Variants in CKAP5 observed in about 807,000 individuals in gnomAD.
CKAP5 encodes the protein cytoskeleton-associated protein 5.
A neutral mutation model predicts 232.8 loss-of-function variants in CKAP5; 27 were observed. The ratio of observed to expected loss-of-function variants is 0.12; its 90% CI spans 0.09 to 0.16. The LOEUF (loss-of-function observed/expected upper bound fraction) is 0.16, where lower values mean the gene tolerates loss of function less well. Ranked by LOEUF, CKAP5 falls within the 10% of genes least tolerant of loss-of-function variation. CKAP5 has a pLI of 1.00. For missense variants in CKAP5, 1,838 were observed against 2,424.7 expected (o/e 0.76, Z 5.08); for synonymous variants, 785 against 841.1 (o/e 0.93, Z 1.16).
intron 28 of CKAP5, 35 bp from the exon 29 acceptor site, chr11:46,763,665 G>T: frequency 6.9e-7 from 1 of 1,446,384 alleles, no homozygotes; most frequent in South Asian, 1.6e-5. Context: ...GGGCTACAGG[G>T]TGTTCAACTG....
intron 28 of CKAP5, among the ~76,000 whole-genome samples, chr11:46,764,791 T>C (rs1158420023): frequency 1.3e-5 from 2 of 152,024 alleles, no homozygotes; most frequent in Non-Finnish European, 2.9e-5. Flanking sequence ...ATGACTGAAC[T>C]AGCCATTTAT....
At chr11:46,799,233 G>C (rs79625022) in intron 9 of CKAP5, among the ~76,000 whole-genome samples, 1 of 150,732 alleles carries the variant, frequency 6.6e-6, no homozygotes, top group East Asian at 1.9e-4. Flanking sequence ...ATTTTTTGTC[G>C]AGACGGGGGT....
intron 1 of CKAP5, among the ~76,000 whole-genome samples, chr11:46,839,552 A>G (rs899693961): frequency 6.6e-6 from 1 of 152,162 alleles, no homozygotes; most frequent in Non-Finnish European, 1.5e-5. Flanking sequence ...CATATGGTAA[A>G]TGCCATCTTT....
chr11:46,814,652 G>A (rs535087322), intron 4 of CKAP5, among the ~76,000 whole-genome samples: 2 of 152,278 alleles, frequency 1.3e-5, no homozygotes, highest in South Asian at 4.2e-4. Context: ...ACAAACTAGT[G>A]ATCTGTCTAA....
At chr11:46,765,366 T>C in intron 27 of CKAP5, 110 bp from the exon 28 acceptor site, 1 of 945,752 alleles carries the variant, frequency 1.1e-6, no homozygotes, top group Non-Finnish European at 1.5e-6. Flanking sequence ...TCTTTCTACG[T>C]GATATTTCAC....
At chr11:46,765,444 G>A (rs1282717116) in intron 27 of CKAP5, among the ~76,000 whole-genome samples, 188 bp from the exon 28 acceptor site, 1 of 152,156 alleles carries the variant, frequency 6.6e-6, no homozygotes, top group Non-Finnish European at 1.5e-5. Flanking sequence ...ATTTTTCTGA[G>A]AATATTCTTA....
intron 8 of CKAP5, 23 bp from the exon 9 acceptor site, chr11:46,801,327 A>G (rs1939026809): frequency 1.9e-6 from 3 of 1,548,058 alleles, no homozygotes; most frequent in African/African-American, 1.4e-5. Flanking sequence ...GTAAAAAGGA[A>G]AACAAAATAG....
At position 46,743,619 on chromosome 11, in the gene CKAP5, C is replaced by T. The variant is rs1475814576; in HGVS notation, c.*404G>A. 1 of 198,362 alleles carries T rather than the reference C, an allele frequency of 5.0e-6. No homozygotes were observed. 12.3% of individuals were successfully genotyped at this position (198,362 alleles called of 1,614,324 possible). ...CATGCATTCATACAGAATACAGTGA[C>T]CCTTCAGGGCGACAGAGAAGAGCTC... On this transcript the variant is annotated 3_prime_UTR_variant, in exon 44 of 44. Transcript: ENST00000529230.
At chr11:46,758,528 A>G (rs2065128180) in intron 35 of CKAP5, among the ~76,000 whole-genome samples, 2 of 152,082 alleles carry the variant, frequency 1.3e-5, no homozygotes, top group Admixed American at 1.3e-4. Context: ...AATCAATGCA[A>G]TTATAAAAAA....
intron 28 of CKAP5, among the ~76,000 whole-genome samples, chr11:46,763,995 C>T (rs1021674910): frequency 6.6e-6 from 1 of 151,912 alleles, no homozygotes; most frequent in African/African-American, 2.4e-5. Context: ...ACCACTATGC[C>T]CAGCTAATTA....
chr11:46,801,119 TGTTTTAAA>T, intron 9 of CKAP5, 73 bp downstream of exon 9: 1 of 917,434 alleles, frequency 1.1e-6, no homozygotes, highest in African/African-American at 1.6e-5. Flanking sequence ...GCCAAGGAGT[TGTTTTAAA>T]GCAAACAGCA....
chr11:46,775,963 AAAT>A lies in CKAP5; in HGVS notation c.2991+289_2991+291del, dbSNP rs375517345. Among the ~76,000 whole-genome samples the A allele has an allele frequency of 1.2e-4, 18 of 152,292 alleles. No homozygotes were observed. The East Asian group carries it at 1.5e-3, about 13-fold the overall frequency. On this transcript the variant is annotated intron_variant, in intron 24 of 43. Transcript: ENST00000529230. ...GTTCTGCACATGTATCCCAGAGCTT[AAAT>A]AATAATAAAAAAAACACAAAACCTC...
At position 46,767,621 on chromosome 11, in the gene CKAP5, G is replaced by A; in HGVS notation, c.3365C>T (p.Pro1122Leu). 1.9e-6 allele frequency: 3 copies of A among 1,612,698 alleles called. No individual in the cohort carries two copies. The East Asian group carries it at 6.7e-5, about 36-fold the overall frequency. ...TGGAGCTTTGGCCTTTTTTGGATCAGGTTTGGGTTCTGTACTGCTGGAAAT... is the reference window on the plus strand; with the variant it reads ...TGGAGCTTTGGCCTTTTTTGGATCAAGTTTGGGTTCTGTACTGCTGGAAAT... ...DCISSSTEPKPDPKKAKAPGL... is the reference protein window; with the variant it reads ...DCISSSTEPKLDPKKAKAPGL... Residue 1122 changes from proline to leucine, a missense_variant, in exon 27 of 44, where the codon CCT (proline) becomes CTT (leucine). Coordinates refer to ENST00000529230, the MANE Select transcript of CKAP5 (RefSeq NM_001008938.4).
Position 46,744,019 on chromosome 11 carries a change from A to T in CKAP5, c.*4T>A, listed in dbSNP as rs1458351215. 1 of 1,612,412 alleles carries T rather than the reference A, an allele frequency of 6.2e-7. No individual in the cohort carries two copies. The stretch of plus-strand genomic sequence containing the variant: ...CTGCAGGGTGCCGGGGGAGTGGGGC[A>T]GCTTCATTTGCGACTGCTCTTTATT... On this transcript the variant is annotated 3_prime_UTR_variant, in exon 44 of 44. Coordinates refer to ENST00000529230, the MANE Select transcript of CKAP5 (RefSeq NM_001008938.4).
Position 46,821,204 on chromosome 11 carries a change from G to A in CKAP5, c.28C>T (p.Leu10=). The part of the protein sequence containing the change: MGDDSEWLK[L]PVDQKCEHKL... Reference sequence around the variant, plus strand: ...TGTTCACATTTCTGATCAACTGGCAGTTTCAACCACTCACTGTCATCTCCC... The same window carrying A: ...TGTTCACATTTCTGATCAACTGGCAATTTCAACCACTCACTGTCATCTCCC... The change falls in exon 2 of 44, where the codon CTG becomes TTG. Residue 10 remains leucine (L), a synonymous_variant. Transcript: ENST00000529230. 2 of 1,613,196 alleles carry A rather than the reference G, an allele frequency of 1.2e-6. No homozygotes were observed. Among genetic ancestry groups the A allele is most frequent in the South Asian group, 1.1e-5 (1 of 91,032 alleles).
chr11:46,755,597 G>A (rs1303960546), intron 35 of CKAP5, among the ~76,000 whole-genome samples: 1 of 151,652 alleles, frequency 6.6e-6, no homozygotes, highest in African/African-American at 2.4e-5. Context: ...TCACAGGTTC[G>A]ATTCTAAGAG....
At chr11:46,750,479 C>T (rs1416811588) in intron 41 of CKAP5, 46 bp from the exon 42 acceptor site, 1 of 1,612,192 alleles carries the variant, frequency 6.2e-7, no homozygotes, top group Non-Finnish European at 8.5e-7. Flanking sequence ...TGTTAGTGTC[C>T]CTTTACCATA....
At position 46,784,339 on chromosome 11, in the gene CKAP5, G is replaced by T. The variant is rs1334754106; in HGVS notation, c.2154+149C>A. 2.0e-5 allele frequency: 13 copies of T among 654,138 alleles called. No homozygotes were observed. In the East Asian group the frequency reaches 3.2e-4, roughly 16 times the overall value. 40.5% of individuals were successfully genotyped at this position (654,138 alleles called of 1,614,324 possible). ...GATTGCACCATTGCATTCCAGCCTG[G>T]GCGACAGAGTGAAACTCCATCTCAA... On this transcript the variant is annotated intron_variant, in intron 17 of 43. Transcript: ENST00000529230.
intron 3 of CKAP5, among the ~76,000 whole-genome samples, chr11:46,817,628 TAAGTC>T (rs1250867489): frequency 6.6e-6 from 1 of 152,206 alleles, no homozygotes; most frequent in South Asian, 2.1e-4. Context: ...ATCTTTGAAG[TAAGTC>T]AAGTATATAT....
Sources: gnomAD v4.1 joint callset for allele counts (sites outside exome capture counted in the v4.1 genomes callset) on GRCh38, gnomAD v4.1.1 for gene constraint, MANE v1.5 for transcripts, NCBI Gene and HGNC (gene_info 2026-07-23, HGNC 2026-07-21) for gene names.